Variants in BEAN1 observed in about 807,000 individuals in gnomAD.
BEAN1 encodes the protein brain expressed associated with NEDD4 1.
Under a neutral mutation model 17.7 loss-of-function variants are expected in BEAN1, and 17 were observed. The observed-to-expected ratio is 0.96, with a 90% confidence interval of 0.66 to 1.44. BEAN1 has a LOEUF of 1.44. BEAN1 is among the 40% of genes most tolerant of loss of function. BEAN1 has a pLI of 0.00. For missense variants in BEAN1, 359 were observed against 374.1 expected (o/e 0.96, Z 0.33); for synonymous variants, 142 against 151.8 (o/e 0.94, Z 0.47).
chr16:66,491,134 G>A (rs1435827083), intron 4 of BEAN1, among the ~76,000 whole-genome samples: 4 of 152,212 alleles, frequency 2.6e-5, no homozygotes, highest in Admixed American at 1.3e-4. Context: ...GAGAGCAGGG[G>A]AGGGCCGGCT....
At chr16:66,490,437 A>AATAATATAAT (rs1964156954) in intron 4 of BEAN1, among the ~76,000 whole-genome samples, 1 of 141,914 alleles carries the variant, frequency 7.0e-6, no homozygotes, top group Non-Finnish European at 1.5e-5. Flanking sequence ...AATAAAATAA[A>AATAATATAAT]ATAAAATAAA....
chr16:66,479,985 G>A (rs1963923089), intron 4 of BEAN1, among the ~76,000 whole-genome samples: 1 of 152,106 alleles, frequency 6.6e-6, no homozygotes, highest in Non-Finnish European at 1.5e-5. Flanking sequence ...GAGGGAAAGG[G>A]GTCAGGGCCT....
At chr16:66,492,752 G>A (rs1964192269) in intron 4 of BEAN1, among the ~76,000 whole-genome samples, 1 of 152,160 alleles carries the variant, frequency 6.6e-6, no homozygotes, top group East Asian at 1.9e-4. Context: ...CTTTCTGAGT[G>A]TCTTTGGACA....
intron 1 of BEAN1, among the ~76,000 whole-genome samples, chr16:66,435,346 C>A (rs1466058792): frequency 2.0e-5 from 3 of 152,200 alleles, no homozygotes; most frequent in African/African-American, 7.2e-5. Flanking sequence ...ATGATGTCCC[C>A]CACCTCAAAA....
At chr16:66,445,411 G>C (rs186814159) in intron 2 of BEAN1, among the ~76,000 whole-genome samples, 60 of 143,974 alleles carry the variant, frequency 4.2e-4, no homozygotes, top group African/African-American at 1.4e-3. Flanking sequence ...GGGAGGTGGA[G>C]CTTGCAATGA....
At chr16:66,441,271 C>G (rs565946373) in intron 2 of BEAN1, among the ~76,000 whole-genome samples, 1 of 152,250 alleles carries the variant, frequency 6.6e-6, no homozygotes, top group South Asian at 2.1e-4. Flanking sequence ...ACCAGAGGCC[C>G]TCACACAGGT....
chr16:66,472,234 C>A (rs1264965334), intron 3 of BEAN1, among the ~76,000 whole-genome samples: 1 of 152,244 alleles, frequency 6.6e-6, no homozygotes, highest in Non-Finnish European at 1.5e-5. Flanking sequence ...CTCGGCATTG[C>A]ACCCATGCCT....
intron 4 of BEAN1, among the ~76,000 whole-genome samples, chr16:66,492,695 C>T (rs1307630078): frequency 6.6e-6 from 1 of 152,216 alleles, no homozygotes; most frequent in African/African-American, 2.4e-5. Flanking sequence ...CCCTCCTTGG[C>T]CTCCCAAAGT....
intron 1 of BEAN1, among the ~76,000 whole-genome samples, chr16:66,429,901 G>A (rs997591824): frequency 5.3e-5 from 8 of 152,198 alleles, no homozygotes; most frequent in African/African-American, 1.9e-4. Flanking sequence ...GGAATAATCA[G>A]CCGGACACCC....
chr16:66,492,891 C>T, intron 4 of BEAN1: 1 of 645,530 alleles, frequency 1.5e-6, no homozygotes, highest in African/African-American at 1.8e-5. Flanking sequence ...TTGGTCCTGC[C>T]TGGCCTGGCC....
In BEAN1 at chr16:66,437,637, C is replaced by G. The variant is rs962398839; in HGVS notation, c.-40C>G. 2 of 1,533,684 alleles carry G rather than the reference C, an allele frequency of 1.3e-6. No individual in the cohort carries two copies. The highest frequency in any genetic ancestry group is 1.7e-6 in the Non-Finnish European group (2 of 1,145,008). The stretch of plus-strand genomic sequence containing the variant: ...CCCTGCGAGAAGTCAGAGCTGTGCC[C>G]GTGGGCAGGCTGGCTCCGCTGTTCT... On this transcript the variant is annotated 5_prime_UTR_variant, in exon 2 of 5. Transcript: ENST00000536005.
At chr16:66,450,546 T>G (rs955550382) in intron 2 of BEAN1, among the ~76,000 whole-genome samples, 1 of 152,054 alleles carries the variant, frequency 6.6e-6, no homozygotes. Context: ...CAAGACCCTG[T>G]GTATACAAAC....
intron 2 of BEAN1, among the ~76,000 whole-genome samples, chr16:66,448,109 G>A (rs1252162627): frequency 2.6e-5 from 4 of 152,196 alleles, no homozygotes; most frequent in African/African-American, 9.6e-5. Context: ...CCTCCTGCCT[G>A]TTGCAATCCC....
At chr16:66,479,857 G>A (rs1479631711) in intron 4 of BEAN1, among the ~76,000 whole-genome samples, 4 of 152,110 alleles carry the variant, frequency 2.6e-5, no homozygotes, top group African/African-American at 9.7e-5. Flanking sequence ...GAGTGGCTGT[G>A]TCCAAACTGC....
Position 66,480,652 on chromosome 16 carries a change from C to T in BEAN1, c.507C>T (p.Tyr169=), listed in dbSNP as rs1963949757. The T allele has an allele frequency of 1.9e-6, 3 of 1,551,510 alleles. No homozygotes were observed. The highest frequency in any genetic ancestry group is 1.2e-5 in the South Asian group (1 of 84,060). ...TCCCCACGGACGCACCACCACCCTA[C>T]TCGCTGACTGATTCCTGCCCCACGC... ...LYVPTDAPPP[Y]SLTDSCPTLD... Residue 169 remains tyrosine, a synonymous_variant, in exon 5 of 5, where the codon TAC becomes TAT. Coordinates refer to ENST00000536005, the MANE Select transcript of BEAN1 (RefSeq NM_001178020.3).
chr16:66,479,305 G>A (rs1423431613), intron 4 of BEAN1, among the ~76,000 whole-genome samples: 1 of 152,082 alleles, frequency 6.6e-6, no homozygotes, highest in Non-Finnish European at 1.5e-5. Flanking sequence ...TGATGGAGGT[G>A]GAGGTGCACA....
chr16:66,448,710 C>G (rs1458782590), intron 2 of BEAN1, among the ~76,000 whole-genome samples: 1 of 152,182 alleles, frequency 6.6e-6, no homozygotes, highest in Non-Finnish European at 1.5e-5. Flanking sequence ...GTAGTCCCAG[C>G]TACTTGGGAG....
At chr16:66,461,242 A>C (rs1252158940) in intron 2 of BEAN1, among the ~76,000 whole-genome samples, 1 of 152,144 alleles carries the variant, frequency 6.6e-6, no homozygotes, top group African/African-American at 2.4e-5. Flanking sequence ...AGTCATATTT[A>C]TCTTTTTGAT....
At chr16:66,491,611 C>T (rs1486913706) in intron 4 of BEAN1, among the ~76,000 whole-genome samples, 1 of 152,108 alleles carries the variant, frequency 6.6e-6, no homozygotes, top group Admixed American at 6.5e-5. Context: ...CACCAGGGGC[C>T]AGTTTCACAG....
Sources: gnomAD v4.1 joint callset for allele counts (sites outside exome capture counted in the v4.1 genomes callset) on GRCh38, gnomAD v4.1.1 for gene constraint, MANE v1.5 for transcripts, NCBI Gene and HGNC (gene_info 2026-07-23, HGNC 2026-07-21) for gene names.